Variants in BRMS1L observed in about 807,000 individuals in gnomAD.
BRMS1L encodes breast cancer metastasis-suppressor 1-like protein.
In BRMS1L, 23 loss-of-function variants were observed where a neutral mutation model predicts 50.3. That is an observed-to-expected ratio of 0.46 (90% CI 0.33 to 0.65). The LOEUF is 0.65. BRMS1L is among the 30% of genes least tolerant of loss of function. BRMS1L has a pLI of 0.02. For missense variants in BRMS1L, 286 were observed against 386.1 expected (o/e 0.74, Z 2.17); for synonymous variants, 114 against 126.9 (o/e 0.90, Z 0.69).
At chr14:35,839,386 AT>A (rs980882929) in intron 4 of BRMS1L, among the ~76,000 whole-genome samples, 2 of 152,054 alleles carry the variant, frequency 1.3e-5, no homozygotes, top group East Asian at 3.9e-4. Context: ...AATTTAAAGT[AT>A]TTTTTTCTAA....
intron 8 of BRMS1L, among the ~76,000 whole-genome samples, chr14:35,867,089 T>TTGAATGAA (rs573937424): frequency 2.6e-5 from 4 of 152,056 alleles, no homozygotes; most frequent in East Asian, 1.9e-4. Flanking sequence ...ACAACATTTG[T>TTGAATGAA]TGAATGAATG....
chr14:35,854,839 A>G (rs1424236737), intron 4 of BRMS1L, among the ~76,000 whole-genome samples: 1 of 152,238 alleles, frequency 6.6e-6, no homozygotes, highest in East Asian at 1.9e-4. Context: ...TGTTTCAGCT[A>G]GACATCATGG....
chr14:35,865,070 G>A (rs2078404019), intron 7 of BRMS1L, 71 bp downstream of exon 7: 1 of 1,119,708 alleles, frequency 8.9e-7, no homozygotes, highest in African/African-American at 1.6e-5. Flanking sequence ...TGTTTTTTTT[G>A]TTAGTACATC....
intron 4 of BRMS1L, among the ~76,000 whole-genome samples, chr14:35,839,094 G>A (rs972487804): frequency 6.6e-6 from 1 of 152,186 alleles, no homozygotes; most frequent in Non-Finnish European, 1.5e-5. Flanking sequence ...CATATGGCTA[G>A]CCTGTTTTCC....
rs371203958 is a variant in BRMS1L at position 35,853,021 on chromosome 14, T to G, written c.442-9569T>G. ...ATCTATCTATCTATCTATCTATATA[T>G]AGAGAGAGAGACTTATCATACTCAC... On this transcript the variant is annotated intron_variant, in intron 4 of 9. Transcript: ENST00000216807. Among the ~76,000 whole-genome samples, 518 of 151,912 alleles carry G rather than the reference T, an allele frequency of 3.4e-3. 4 individuals carry two copies. Among genetic ancestry groups the G allele is most frequent in the African/African-American group, 0.012 (492 of 41,270 alleles).
intron 4 of BRMS1L, among the ~76,000 whole-genome samples, chr14:35,851,108 C>T (rs1279053793): frequency 1.3e-5 from 2 of 152,156 alleles, no homozygotes; most frequent in Non-Finnish European, 2.9e-5. Flanking sequence ...TTTGCTTCCT[C>T]ATGATTAGAC....
At chr14:35,831,724 A>G (rs1595659140) in intron 2 of BRMS1L, among the ~76,000 whole-genome samples, 1 of 152,204 alleles carries the variant, frequency 6.6e-6, no homozygotes, top group South Asian at 2.1e-4. Flanking sequence ...GTTGGAGACC[A>G]GCCTGGGCAA....
chr14:35,868,167 G>A (rs1160034002), intron 9 of BRMS1L, 135 bp downstream of exon 9: 12 of 785,064 alleles, frequency 1.5e-5, no homozygotes, highest in Non-Finnish European at 2.1e-5. Flanking sequence ...TTGACATATG[G>A]CTTGATTACA....
chr14:35,863,950 T>G lies in BRMS1L; in HGVS notation c.619T>G (p.Ser207Ala). The change falls in exon 6 of 10, where the codon TCA becomes GCA. Residue 207 changes from serine (S) to alanine (A), a missense_variant. Ser to Ala is a moderately conservative substitution (Grantham distance 99). Coordinates refer to ENST00000216807, the MANE Select transcript of BRMS1L (RefSeq NM_032352.4). Reference sequence around the variant, plus strand: ...TGACAAAAAGAAGCCAGTTGTTGTTTCAGATATCCTTTTCCAAATTTTCTG... The same window carrying G: ...TGACAAAAAGAAGCCAGTTGTTGTTGCAGATATCCTTTTCCAAATTTTCTG... Reference protein sequence around the residue: ...SPDKKKPVVVSGPYIVYMLQD... With the variant: ...SPDKKKPVVVAGPYIVYMLQD... The G allele has an allele frequency of 6.2e-7, 1 of 1,613,042 alleles. No homozygotes were observed. Among genetic ancestry groups the G allele is most frequent in the Non-Finnish European group, 8.5e-7 (1 of 1,179,646 alleles).
At chr14:35,834,304 A>G (rs2077964112) in intron 3 of BRMS1L, among the ~76,000 whole-genome samples, 1 of 152,150 alleles carries the variant, frequency 6.6e-6, no homozygotes, top group African/African-American at 2.4e-5. Context: ...TATCTTGGGT[A>G]TCCATCCTCT....
intron 9 of BRMS1L, among the ~76,000 whole-genome samples, chr14:35,868,735 A>ACCATT (rs926826538): frequency 3.9e-5 from 6 of 152,166 alleles, no homozygotes; most frequent in African/African-American, 1.4e-4. Flanking sequence ...ATTTCACCAC[A>ACCATT]CCATTGTACT....
chr14:35,866,820 G>A (rs1443898629), intron 8 of BRMS1L, among the ~76,000 whole-genome samples: 2 of 152,224 alleles, frequency 1.3e-5, no homozygotes, highest in Non-Finnish European at 1.5e-5. Flanking sequence ...GCCTAGACCT[G>A]TAGAGCAGTG....
rs371928171 is a variant in BRMS1L, at chr14:35,864,010, C to G, written c.622+57C>G. On this transcript the variant is annotated intron_variant, in intron 6 of 9. Transcript: ENST00000216807. ...CCTTGATGTGCGTTTTTCCATTGTG[C>G]ATGCCTTTATAACTTTTATTTGTAA... The G allele has an allele frequency of 7.6e-6, 10 of 1,314,348 alleles. No homozygotes were observed. The African/African-American group carries it at 1.3e-4, about 17-fold the overall frequency. 81.4% of individuals were successfully genotyped at this position (1,314,348 alleles called of 1,614,324 possible).
intron 2 of BRMS1L, among the ~76,000 whole-genome samples, chr14:35,832,234 G>A (rs1298617401): frequency 6.6e-5 from 10 of 150,622 alleles, no homozygotes; most frequent in Non-Finnish European, 1.3e-4. Context: ...GCCGGGCACG[G>A]TGGCTTACGC....
intron 4 of BRMS1L, among the ~76,000 whole-genome samples, chr14:35,858,076 C>T (rs1476218106): frequency 6.6e-6 from 1 of 151,704 alleles, no homozygotes; most frequent in African/African-American, 2.4e-5. Flanking sequence ...ATTTAAACTC[C>T]TGTCCAGTAA....
intron 4 of BRMS1L, among the ~76,000 whole-genome samples, chr14:35,861,448 A>G (rs1032632543): frequency 1.3e-5 from 2 of 152,058 alleles, no homozygotes; most frequent in African/African-American, 2.4e-5. Context: ...TTTCTCTGAT[A>G]TTTTCCGAGT....
At chr14:35,839,047 A>G (rs186251209) in intron 4 of BRMS1L, among the ~76,000 whole-genome samples, 5 of 152,236 alleles carry the variant, frequency 3.3e-5, no homozygotes, top group Non-Finnish European at 5.9e-5. Flanking sequence ...TAATTTTTGT[A>G]TAAGGTATAA....
Position 35,871,478 on chromosome 14 carries a change from C to T in BRMS1L, c.*1001C>T, listed in dbSNP as rs2078490963. The T allele has an allele frequency of 6.6e-6, 1 of 152,588 alleles. No homozygotes were observed. Among genetic ancestry groups the T allele is most frequent in the Non-Finnish European group, 1.5e-5 (1 of 68,022 alleles). The allele number at this position is 152,588 out of a possible 1,614,324, so 9.5% of individuals were successfully genotyped here. On this transcript the variant is annotated 3_prime_UTR_variant, in exon 10 of 10. Coordinates refer to ENST00000216807, the MANE Select transcript of BRMS1L (RefSeq NM_032352.4). ...AAAGTGTTGGCCTCCCTTCCGCTAG[C>T]CACATTCAAAATTAACTTCCAAAAC...
chr14:35,861,803 G>A (rs552912284), intron 4 of BRMS1L, among the ~76,000 whole-genome samples: 3 of 152,258 alleles, frequency 2.0e-5, no homozygotes, highest in East Asian at 1.9e-4. Flanking sequence ...AATAGCTTCC[G>A]CAAGACAGTC....
Sources: gnomAD v4.1 joint callset for allele counts (sites outside exome capture counted in the v4.1 genomes callset) on GRCh38, gnomAD v4.1.1 for gene constraint, MANE v1.5 for transcripts, NCBI Gene and HGNC (gene_info 2026-07-23, HGNC 2026-07-21) for gene names.